ITPRID2: variants seen among roughly 807,000 people sequenced by gnomAD.
The protein encoded by ITPRID2 is protein ITPRID2.
A neutral mutation model predicts 124.3 loss-of-function variants in ITPRID2; 60 were observed. The observed-to-expected ratio is 0.48, with a 90% confidence interval of 0.39 to 0.60. The LOEUF is 0.60. ITPRID2 is among the 20% of genes least tolerant of loss of function. The pLI, the probability that ITPRID2 is intolerant of heterozygous loss-of-function variation, is 0.00. For missense variants in ITPRID2, 1,553 were observed against 1,512.2 expected, an observed-to-expected ratio of 1.03 and a Z score of -0.45; for synonymous variants, 521 against 542.9, an observed-to-expected ratio of 0.96 and a Z score of 0.56.
At chr2:181,895,474 T>A (rs570855279) in intron 2 of ITPRID2, among the ~76,000 whole-genome samples, 2 of 152,022 alleles carry the variant, frequency 1.3e-5, no homozygotes, top group Non-Finnish European at 2.9e-5. Flanking sequence ...ATCTCAAGCT[T>A]CTACATTTAC....
At chr2:181,894,914 A>G (rs1053407380) in intron 2 of ITPRID2, among the ~76,000 whole-genome samples, 23 of 152,128 alleles carry the variant, frequency 1.5e-4, no homozygotes, top group African/African-American at 5.1e-4. Context: ...GAGTAATACA[A>G]TGTTTACATC....
chr2:181,901,762 G>T lies in ITPRID2; in HGVS notation c.713-4G>T, dbSNP rs751050000. On this transcript the variant is annotated splice_region_variant and splice_polypyrimidine_tract_variant and intron_variant, in intron 7 of 17. Transcript: ENST00000431877. Reference sequence around the variant, plus strand: ...CATATCATTAATATTGTTTCTTTTGGTAGGCCGTTTTCGTCAAATTGAAGT... The same window carrying T: ...CATATCATTAATATTGTTTCTTTTGTTAGGCCGTTTTCGTCAAATTGAAGT... 3.8e-6 allele frequency: 6 copies of T among 1,572,642 alleles called. No homozygotes were observed. The South Asian group carries it at 6.1e-5, about 16-fold the overall frequency.
chr2:181,919,329 T>C lies in ITPRID2; in HGVS notation c.3027T>C (p.Asn1009=). Residue 1009 remains asparagine (N), a synonymous_variant, in exon 14 of 18, where the codon AAT becomes AAC. Transcript: ENST00000431877. This position sits in a 1 kb window ranked among gnomAD's most constrained non-coding sequence, Gnocchi z 4.2. ...TTGATCAGCTCCAGGGTTTGAGAAATTCAGTCCGAATGGAACTTCAGGACC... is the reference window on the plus strand; with the variant it reads ...TTGATCAGCTCCAGGGTTTGAGAAACTCAGTCCGAATGGAACTTCAGGACC... ...FEVDQLQGLR[N]SVRMELQDLE... 1.2e-6 allele frequency: 2 copies of C among 1,614,152 alleles called. No homozygotes were observed. Among genetic ancestry groups the C allele is most frequent in the Non-Finnish European group, 1.7e-6 (2 of 1,180,040 alleles).
chr2:181,915,140 C>T (rs916278563), intron 10 of ITPRID2, 76 bp from the exon 11 acceptor site: 90 of 1,492,684 alleles, frequency 6.0e-5, no homozygotes, highest in Non-Finnish European at 7.9e-5. Flanking sequence ...TATAGAAGCA[C>T]CATGTTGGTT....
intron 2 of ITPRID2, chr2:181,893,720 T>C (rs1361258743): frequency 6.6e-6 from 1 of 152,214 alleles, no homozygotes; most frequent in Non-Finnish European, 1.5e-5. Flanking sequence ...CTTGAAGTCC[T>C]TGGACCCCAG....
chr2:181,913,328 A>G (rs1345740134), intron 9 of ITPRID2, among the ~76,000 whole-genome samples: 3 of 152,094 alleles, frequency 2.0e-5, no homozygotes, highest in Admixed American at 6.5e-5. Context: ...CAGCCTCCCA[A>G]AGTGCTGGGA....
At chr2:181,904,794 A>G (rs894782379) in intron 8 of ITPRID2, among the ~76,000 whole-genome samples, 1 of 152,216 alleles carries the variant, frequency 6.6e-6, no homozygotes, top group Non-Finnish European at 1.5e-5. Flanking sequence ...TGTTGCAGAT[A>G]TGTTGACTGC....
chr2:181,892,592 C>G lies in ITPRID2; in HGVS notation c.212-23C>G, dbSNP rs762612153. ...CGTAGTGCTCCTGGGTGGTAACGTG[C>G]TGTCCCCTCTCTCTACCCCCAGGAA... is the stretch of plus-strand genomic sequence containing the variant. On this transcript the variant is annotated intron_variant, in intron 1 of 17. Coordinates refer to ENST00000431877, the MANE Select transcript of ITPRID2 (RefSeq NM_001130445.3). The surrounding 1 kb of genome is among the most constrained non-coding windows in gnomAD (Gnocchi z 5.2). 12 of 1,613,972 alleles carry G rather than the reference C, an allele frequency of 7.4e-6. No homozygotes were observed. The Admixed American group carries it at 2.0e-4, about 27-fold the overall frequency.
At position 181,909,170 on chromosome 2, in the gene ITPRID2, A is replaced by C. The variant is rs1490899076; in HGVS notation, c.1414-729A>C. On this transcript the variant is annotated intron_variant, in intron 8 of 17. Transcript: ENST00000431877. ...TGAACAGTGTTTTCAGGGAAGATTT[A>C]TGGTTAATATCTTTCATTATTTTAG... Among the ~76,000 whole-genome samples, 3 of 152,196 alleles carry C rather than the reference A, an allele frequency of 2.0e-5. No homozygotes were observed. In the East Asian group the frequency reaches 5.8e-4, roughly 29 times the overall value.
rs1691852950 is a variant in ITPRID2 at position 181,892,735 on chromosome 2, C to T, written c.257+75C>T. On this transcript the variant is annotated intron_variant, in intron 2 of 17. Transcript: ENST00000431877. The surrounding 1 kb of genome is among the most constrained non-coding windows in gnomAD (Gnocchi z 5.2). Reference sequence around the variant, plus strand: ...GGACGCCGGAGCAGAGCCACTCGGGCCGCGTCCCTGTGGGTCCCGCGACCG... The same window carrying T: ...GGACGCCGGAGCAGAGCCACTCGGGTCGCGTCCCTGTGGGTCCCGCGACCG... The T allele has an allele frequency of 6.3e-7, 1 of 1,574,850 alleles. No homozygotes were observed. Among genetic ancestry groups the T allele is most frequent in the Non-Finnish European group, 8.7e-7 (1 of 1,146,780 alleles).
Position 181,919,428 on chromosome 2 carries a change from C to A in ITPRID2, c.3126C>A (p.Phe1042Leu), listed in dbSNP as rs776219577. 6.2e-7 allele frequency: 1 copy of A among 1,603,342 alleles called. No individual in the cohort carries two copies. Among genetic ancestry groups the A allele is most frequent in the Admixed American group, 1.7e-5 (1 of 58,372 alleles). Residue 1042 changes from phenylalanine (F) to leucine (L), a missense_variant, in exon 14 of 18, where the codon TTC (phenylalanine) becomes TTA (leucine). Coordinates refer to ENST00000431877, the MANE Select transcript of ITPRID2 (RefSeq NM_001130445.3). The surrounding 1 kb of genome is among the most constrained non-coding windows in gnomAD (Gnocchi z 4.2). ...GTGCTGTGCGCATGCCTTCACCCTT[C>A]CGCTCCTCCGCACTCATGGTACGCT... Reference protein sequence around the residue: ...QLRAVRMPSPFRSSALMGMCG... With the variant: ...QLRAVRMPSPLRSSALMGMCG...
chr2:181,895,995 A>G, intron 2 of ITPRID2, 35 bp from the exon 3 acceptor site: 3 of 1,595,084 alleles, frequency 1.9e-6, no homozygotes, highest in Non-Finnish European at 1.7e-6. Flanking sequence ...ATAGCCTTTC[A>G]CAAGACTAAG....
At chr2:181,918,361 C>A in intron 11 of ITPRID2, 1 of 1,270,806 alleles carries the variant, frequency 7.9e-7, no homozygotes, top group South Asian at 2.8e-5. Flanking sequence ...TAGATGTGAA[C>A]TATGTTCCTT....
rs1021490875 is a variant in ITPRID2, at chr2:181,900,801, A to G, written c.609A>G (p.Arg203=). Residue 203 remains arginine, a synonymous_variant, in exon 7 of 18, where the codon AGA becomes AGG. Transcript: ENST00000431877. ...EPDIASKIPS[R]FFNSSSFAKG... ...ATATTGCTTCTAAAATTCCTTCCAGATTTTTTAATTCATCATCCTTTGCCA... is the reference window on the plus strand; with the variant it reads ...ATATTGCTTCTAAAATTCCTTCCAGGTTTTTTAATTCATCATCCTTTGCCA... 1.9e-6 allele frequency: 3 copies of G among 1,613,294 alleles called. No individual in the cohort carries two copies. The highest frequency in any genetic ancestry group is 2.5e-6 in the Non-Finnish European group (3 of 1,179,626).
intron 11 of ITPRID2, 194 bp from the exon 12 acceptor site, chr2:181,918,404 C>G (rs1694239035): frequency 7.3e-7 from 1 of 1,367,980 alleles, no homozygotes; most frequent in Admixed American, 3.4e-5. Flanking sequence ...TGACTTATAC[C>G]TGGAACAGCT....
intron 9 of ITPRID2, 36 bp from the exon 10 acceptor site, chr2:181,913,808 TC>T (rs1559001396): frequency 6.8e-7 from 1 of 1,473,694 alleles, no homozygotes; most frequent in East Asian, 2.3e-5. Context: ...TATTTATAGA[TC>T]ATCTGTTTCT....
Position 181,892,738 on chromosome 2 carries a change from C to A in ITPRID2, c.257+78C>A. 6.4e-7 allele frequency: 1 copy of A among 1,557,908 alleles called. No homozygotes were observed. The highest frequency in any genetic ancestry group is 8.8e-7 in the Non-Finnish European group (1 of 1,131,490). On this transcript the variant is annotated intron_variant, in intron 2 of 17. Transcript: ENST00000431877. This position sits in a 1 kb window ranked among gnomAD's most constrained non-coding sequence, Gnocchi z 5.2. Reference sequence around the variant, plus strand: ...CGCCGGAGCAGAGCCACTCGGGCCGCGTCCCTGTGGGTCCCGCGACCGTTG... The same window carrying A: ...CGCCGGAGCAGAGCCACTCGGGCCGAGTCCCTGTGGGTCCCGCGACCGTTG...
chr2:181,899,099 G>C lies in ITPRID2; in HGVS notation c.490G>C (p.Gly164Arg), dbSNP rs765487363. ...TTCCACTGGATCTGGGAAAAGTAGT[G>C]GGACAGTTTCAAGGTAACTTATTCT... is the stretch of plus-strand genomic sequence containing the variant. ...MNSTGSGKSS[G>R]TVSSVSELLE... Residue 164 changes from glycine to arginine, a missense_variant, in exon 6 of 18, where the codon GGG becomes CGG. Gly to Arg is a moderately radical substitution (Grantham distance 125). Transcript: ENST00000431877. 1.2e-6 allele frequency: 2 copies of C among 1,606,216 alleles called. No individual in the cohort carries two copies. Among genetic ancestry groups the C allele is most frequent in the Admixed American group, 3.4e-5 (2 of 58,624 alleles).
At position 181,922,080 on chromosome 2, in the gene ITPRID2, T is replaced by G; in HGVS notation, c.3343T>G (p.Ser1115Ala). Residue 1115 changes from serine to alanine, a missense_variant, in exon 16 of 18, where the codon TCT (serine) becomes GCT (alanine). Ser to Ala is a moderately conservative substitution (Grantham distance 99, BLOSUM62 1). Coordinates refer to ENST00000431877, the MANE Select transcript of ITPRID2 (RefSeq NM_001130445.3). ...TTCCCAAGCAACATCAGAATCATCTTCTGTATGTTCTGGTCCCTCTCATGC... is the reference window on the plus strand; with the variant it reads ...TTCCCAAGCAACATCAGAATCATCTGCTGTATGTTCTGGTCCCTCTCATGC... ...VFSQATSESS[S>A]VCSGPSHANR... 1.2e-6 allele frequency: 2 copies of G among 1,614,234 alleles called. No individual in the cohort carries two copies. Among genetic ancestry groups the G allele is most frequent in the Non-Finnish European group, 1.7e-6 (2 of 1,180,042 alleles).
Sources: allele counts gnomAD v4.1 joint callset (sites outside exome capture counted in the v4.1 genomes callset), GRCh38; gene constraint gnomAD v4.1.1; non-coding constraint Gnocchi (gnomAD v3.1); transcripts MANE v1.5; gene names NCBI Gene and HGNC (gene_info 2026-07-23, HGNC 2026-07-21).